Variants in AUH observed in about 807,000 individuals in gnomAD.
AUH encodes the protein AU RNA binding methylglutaconyl-CoA hydratase, also known as methylglutaconyl-CoA hydratase, mitochondrial.
AUH carries 29 observed loss-of-function variants against 42.3 expected under a neutral mutation model. That is an observed-to-expected ratio of 0.69 (90% CI 0.51 to 0.93). The LOEUF (loss-of-function observed/expected upper bound fraction) is 0.93. AUH is among the 40% of genes least tolerant of loss of function. AUH has a pLI of 0.00. For missense variants in AUH, 452 were observed against 438.1 expected (o/e 1.03, Z -0.28); for synonymous variants, 174 against 166.4 (o/e 1.05, Z -0.35).
At chr9:91,238,626 C>A (rs1334990251) in intron 6 of AUH, among the ~76,000 whole-genome samples, 2 of 152,224 alleles carry the variant, frequency 1.3e-5, no homozygotes, top group Non-Finnish European at 2.9e-5. Flanking sequence ...TAAAGATATA[C>A]TTGAAATGTA....
intron 6 of AUH, among the ~76,000 whole-genome samples, chr9:91,264,795 T>C (rs1288769856): frequency 6.6e-6 from 1 of 152,236 alleles, no homozygotes; most frequent in African/African-American, 2.4e-5. Flanking sequence ...CTAACTTTTC[T>C]AGGCCTTGCA....
At chr9:91,315,348 G>C (rs898472150) in intron 4 of AUH, among the ~76,000 whole-genome samples, 33 of 152,134 alleles carry the variant, frequency 2.2e-4, no homozygotes, top group African/African-American at 8.0e-4. Context: ...GCTCAAATGC[G>C]CATGTGCCTG....
intron 6 of AUH, among the ~76,000 whole-genome samples, chr9:91,259,270 G>A (rs768318834): frequency 6.6e-6 from 1 of 152,092 alleles, no homozygotes; most frequent in Non-Finnish European, 1.5e-5. Context: ...TGGTGAATTT[G>A]CTCCTATAAT....
Position 91,273,456 on chromosome 9 carries a change from A to G in AUH, c.655+22565T>C, listed in dbSNP as rs561700283. 2.0e-5 allele frequency among the ~76,000 whole-genome samples: 3 copies of G among 152,322 alleles called. 1 individual carries two copies. The South Asian group carries it at 6.2e-4, about 32-fold the overall frequency. Reference sequence around the variant, plus strand: ...TGACAGGATTCCACTATAACTGACTAGTATGAAAGTGTTAAGGTTCAGTGG... The same window carrying G: ...TGACAGGATTCCACTATAACTGACTGGTATGAAAGTGTTAAGGTTCAGTGG... On this transcript the variant is annotated intron_variant, in intron 6 of 9. Coordinates refer to ENST00000375731, the MANE Select transcript of AUH (RefSeq NM_001698.3).
intron 6 of AUH, among the ~76,000 whole-genome samples, chr9:91,237,121 G>A (rs981726799): frequency 6.6e-6 from 1 of 152,160 alleles, no homozygotes; most frequent in Admixed American, 6.5e-5. Flanking sequence ...AACAGATAAT[G>A]TGATGAAAAT....
intron 6 of AUH, among the ~76,000 whole-genome samples, chr9:91,270,714 A>T (rs1398965882): frequency 6.6e-6 from 1 of 152,160 alleles, no homozygotes; most frequent in African/African-American, 2.4e-5. Context: ...ACCCGGTGCC[A>T]TATGTGGTAC....
At chr9:91,230,944 C>T (rs1178580397) in intron 6 of AUH, among the ~76,000 whole-genome samples, 2 of 152,224 alleles carry the variant, frequency 1.3e-5, no homozygotes, top group East Asian at 1.9e-4. Context: ...GGGAGAACCA[C>T]TGCTCTCTTC....
chr9:91,358,658 C>T (rs1832620735), intron 1 of AUH, among the ~76,000 whole-genome samples: 1 of 152,182 alleles, frequency 6.6e-6, no homozygotes, highest in South Asian at 2.1e-4. Context: ...TTAAAAGTTT[C>T]ACCATAATTT....
intron 3 of AUH, among the ~76,000 whole-genome samples, chr9:91,332,470 C>T (rs1278535645): frequency 1.3e-5 from 2 of 152,158 alleles, no homozygotes; most frequent in Admixed American, 1.3e-4. Context: ...CCACTGCACT[C>T]CAGCCTGGGC....
intron 6 of AUH, among the ~76,000 whole-genome samples, chr9:91,266,148 G>A (rs569031374): frequency 6.6e-6 from 1 of 152,062 alleles, no homozygotes; most frequent in South Asian, 2.1e-4. Flanking sequence ...GAATCACAAG[G>A]TCAGAAGTTT....
intron 4 of AUH, chr9:91,306,274 G>T: frequency 1.3e-6 from 1 of 753,164 alleles, no homozygotes; most frequent in Non-Finnish European, 1.6e-6. Context: ...CAGATGACAG[G>T]CTGGCAGGGA....
At chr9:91,317,862 C>T (rs1338496862) in intron 4 of AUH, among the ~76,000 whole-genome samples, 4 of 152,150 alleles carry the variant, frequency 2.6e-5, no homozygotes, top group Non-Finnish European at 4.4e-5. Flanking sequence ...ATGCTTTTTC[C>T]TCAATCTACT....
intron 4 of AUH, among the ~76,000 whole-genome samples, chr9:91,324,432 G>C (rs570978258): frequency 5.0e-4 from 76 of 151,202 alleles, no homozygotes; most frequent in South Asian, 2.3e-3. Flanking sequence ...GAGCCCAGGA[G>C]TTGGAGGTTA....
chr9:91,309,304 G>A (rs887953305), intron 4 of AUH, among the ~76,000 whole-genome samples: 1 of 151,788 alleles, frequency 6.6e-6, no homozygotes, highest in Non-Finnish European at 1.5e-5. Context: ...GATTTGGGTG[G>A]TGCCAAATAC....
intron 3 of AUH, among the ~76,000 whole-genome samples, chr9:91,327,068 C>T (rs939256407): frequency 2.0e-5 from 3 of 152,184 alleles, no homozygotes; most frequent in African/African-American, 7.2e-5. Context: ...TTCACAACTT[C>T]CCTCTCCACG....
intron 6 of AUH, among the ~76,000 whole-genome samples, chr9:91,247,811 T>C (rs1193818461): frequency 6.6e-6 from 1 of 152,252 alleles, no homozygotes; most frequent in African/African-American, 2.4e-5. Context: ...ACTTACATTT[T>C]CTTTAGTGAA....
At chr9:91,220,379 C>A (rs1827062741) in intron 7 of AUH, among the ~76,000 whole-genome samples, 2 of 152,246 alleles carry the variant, frequency 1.3e-5, no homozygotes, top group Admixed American at 6.5e-5. Context: ...TCTGGCACAA[C>A]AGACTACAGT....
chr9:91,335,014 C>A (rs959232837), intron 3 of AUH, among the ~76,000 whole-genome samples: 1 of 152,130 alleles, frequency 6.6e-6, no homozygotes, highest in Non-Finnish European at 1.5e-5. Context: ...CAACTAGGAC[C>A]AGGAAACTAG....
chr9:91,356,668 T>G (rs1664370039), intron 1 of AUH, among the ~76,000 whole-genome samples: 1 of 152,154 alleles, frequency 6.6e-6, no homozygotes, highest in African/African-American at 2.4e-5. Flanking sequence ...AAGTTCATTA[T>G]CTCTCCCACA....
Sources: allele counts gnomAD v4.1 joint callset (sites outside exome capture counted in the v4.1 genomes callset), GRCh38; gene constraint gnomAD v4.1.1; transcripts MANE v1.5; gene names NCBI Gene and HGNC (gene_info 2026-07-23, HGNC 2026-07-21).